The following VTCN1 variants were observed in gnomAD, a reference collection of about 807,000 sequenced individuals.
VTCN1 encodes the protein V-set domain-containing T-cell activation inhibitor 1.
VTCN1 carries 26 observed loss-of-function variants against 26.5 expected under a neutral mutation model. That is an observed-to-expected ratio of 0.98 (90% CI 0.72 to 1.36). The LOEUF is 1.36. Ranked by LOEUF, VTCN1 falls within the 40% of genes most tolerant of loss-of-function variation. The pLI, the probability that VTCN1 is intolerant of heterozygous loss-of-function variation, is 0.00. For missense variants in VTCN1, 298 were observed against 337.7 expected (o/e 0.88, Z 0.92); for synonymous variants, 116 against 130.7 (o/e 0.89, Z 0.77).
chr1:117,177,116 A>T (rs528116105), intron 1 of VTCN1, among the ~76,000 whole-genome samples: 1 of 152,188 alleles, frequency 6.6e-6, no homozygotes, highest in Admixed American at 6.5e-5. Context: ...CCAAAAAAAC[A>T]AAAAAGGAAA....
chr1:117,188,838 C>T (rs1000796750), intron 1 of VTCN1, among the ~76,000 whole-genome samples: 9 of 151,994 alleles, frequency 5.9e-5, no homozygotes, highest in South Asian at 2.1e-4. Flanking sequence ...AGGTTTTATG[C>T]GAATAATTTT....
At chr1:117,180,271 G>T (rs1288248246) in intron 1 of VTCN1, among the ~76,000 whole-genome samples, 3 of 152,092 alleles carry the variant, frequency 2.0e-5, no homozygotes, top group African/African-American at 7.2e-5. Context: ...TTATTCTTAA[G>T]CCTGTCCTAT....
intron 2 of VTCN1, among the ~76,000 whole-genome samples, chr1:117,162,937 C>T (rs896189964): frequency 6.6e-6 from 1 of 152,194 alleles, no homozygotes; most frequent in Non-Finnish European, 1.5e-5. Flanking sequence ...TGAAATGACT[C>T]AGAAAGACAG....
chr1:117,148,221 A>G (rs1392653820), intron 4 of VTCN1, among the ~76,000 whole-genome samples: 1 of 152,242 alleles, frequency 6.6e-6, no homozygotes, highest in Admixed American at 6.5e-5. Context: ...GTAGATGTAA[A>G]GAAATGAAAT....
chr1:117,162,776 G>A (rs1021739079), intron 2 of VTCN1, among the ~76,000 whole-genome samples: 3 of 152,228 alleles, frequency 2.0e-5, no homozygotes, highest in Non-Finnish European at 2.9e-5. Context: ...GGTTCACACA[G>A]TGGGAGTACT....
chr1:117,192,219 C>T (rs1054718512), intron 1 of VTCN1, among the ~76,000 whole-genome samples: 2 of 152,034 alleles, frequency 1.3e-5, no homozygotes, highest in South Asian at 4.1e-4. Context: ...AGAAGTCTTA[C>T]AGGCCAGGAA....
chr1:117,171,733 A>G (rs1652927257), intron 1 of VTCN1, among the ~76,000 whole-genome samples: 1 of 152,198 alleles, frequency 6.6e-6, no homozygotes, highest in Non-Finnish European at 1.5e-5. Flanking sequence ...TTAGGAGGAG[A>G]ACAAATTTTA....
At position 117,156,910 on chromosome 1, in the gene VTCN1, T is replaced by G. The variant is rs757543124; in HGVS notation, c.109A>C (p.Ile37Leu). ...GCTGAGGCGACAGTAGTGACTGTGATGGAGTGTCTCCCTGCAGTTCAGGAA... is the reference window on the plus strand; with the variant it reads ...GCTGAGGCGACAGTAGTGACTGTGAGGGAGTGTCTCCCTGCAGTTCAGGAA... Reference protein sequence around the residue: ...IGFGISGRHSITVTTVASAGN... With the variant: ...IGFGISGRHSLTVTTVASAGN... The change falls in exon 3 of 6, where the codon ATC becomes CTC. Residue 37 changes from isoleucine to leucine, a missense_variant. Physicochemically the swap from Ile to Leu is conservative, Grantham distance 5. Transcript: ENST00000369458. 6.2e-7 allele frequency: 1 copy of G among 1,614,076 alleles called. No homozygotes were observed. The highest frequency in any genetic ancestry group is 2.2e-5 in the East Asian group (1 of 44,882).
intron 1 of VTCN1, among the ~76,000 whole-genome samples, chr1:117,208,851 C>A (rs114405382): frequency 3.3e-5 from 5 of 152,172 alleles, no homozygotes; most frequent in Admixed American, 6.5e-5. Context: ...GAGAATAACT[C>A]ACTGGGTCTG....
intron 1 of VTCN1, among the ~76,000 whole-genome samples, chr1:117,186,209 C>T (rs1021552346): frequency 2.6e-5 from 4 of 152,166 alleles, no homozygotes; most frequent in Non-Finnish European, 5.9e-5. Flanking sequence ...AGTTTGGCTT[C>T]ATAGCTATTC....
chr1:117,154,870 A>G (rs991585146), intron 3 of VTCN1, among the ~76,000 whole-genome samples: 7 of 152,002 alleles, frequency 4.6e-5, no homozygotes, highest in Admixed American at 1.3e-4. Context: ...ACTAAATTCC[A>G]GATTTGATTT....
chr1:117,197,444 T>C (rs1220196492), intron 1 of VTCN1, among the ~76,000 whole-genome samples: 1 of 152,176 alleles, frequency 6.6e-6, no homozygotes, highest in Non-Finnish European at 1.5e-5. Flanking sequence ...TCATGCTGAC[T>C]TCCTAGAACT....
chr1:117,197,902 T>C (rs1648596689), intron 1 of VTCN1, among the ~76,000 whole-genome samples: 1 of 152,190 alleles, frequency 6.6e-6, no homozygotes, highest in Non-Finnish European at 1.5e-5. Context: ...AGTCAAGGGC[T>C]GTACTTCCAT....
intron 1 of VTCN1, among the ~76,000 whole-genome samples, chr1:117,181,532 G>C (rs1001590734): frequency 2.0e-5 from 3 of 152,178 alleles, no homozygotes; most frequent in Non-Finnish European, 4.4e-5. Flanking sequence ...CAGGTAATGA[G>C]AAGCAGGCCC....
At chr1:117,203,822 G>A (rs189522181) in intron 1 of VTCN1, 127 of 978,882 alleles carry the variant, frequency 1.3e-4, no homozygotes, top group African/African-American at 1.2e-3. Flanking sequence ...GTCTTGTTAC[G>A]CCACAGATTA....
In VTCN1 at chr1:117,147,701, C is replaced by A. The variant is rs756445973; in HGVS notation, c.806G>T (p.Ser269Ile). Residue 269 changes from serine (S) to isoleucine (I), a missense_variant, in exon 5 of 6, where the codon AGC (serine) becomes ATC (isoleucine). Ser to Ile is a moderately radical substitution (Grantham distance 142). Coordinates refer to ENST00000369458, the MANE Select transcript of VTCN1 (RefSeq NM_024626.4). This position sits in a 1 kb window ranked among gnomAD's most constrained non-coding sequence, Gnocchi z 4.6. ...SLCVSSFFAI[S>I]WALLPLSPYL... ...AGGGCTGAGAGGCAGAAGTGCCCAG[C>A]TGATGGCAAAGAAAGAAGAGACACA... The A allele has an allele frequency of 1.2e-6, 2 of 1,613,998 alleles. No individual in the cohort carries two copies. The highest frequency in any genetic ancestry group is 4.5e-5 in the East Asian group (2 of 44,882).
chr1:117,176,992 G>A (rs111238577), intron 1 of VTCN1, among the ~76,000 whole-genome samples: 9,587 of 152,164 alleles, frequency 0.063, 995 homozygotes, highest in African/African-American at 0.22. Flanking sequence ...CCAGCTACTC[G>A]GGAGGCTGAG....
chr1:117,147,681 T>C lies in VTCN1; in HGVS notation c.826A>G (p.Ser276Gly). ...FAISWALLPL[S>G]PYLMLK The stretch of plus-strand genomic sequence containing the variant: ...CATTATTTTAGCATCAGGTAAGGGC[T>C]GAGAGGCAGAAGTGCCCAGCTGATG... The change falls in exon 5 of 6, where the codon AGC becomes GGC. Residue 276 changes from serine (S) to glycine (G), a missense_variant. Ser to Gly is a moderately conservative substitution (Grantham distance 56). Transcript: ENST00000369458. The surrounding 1 kb of genome is among the most constrained non-coding windows in gnomAD (Gnocchi z 4.6). 1.2e-6 allele frequency: 2 copies of C among 1,613,994 alleles called. No individual in the cohort carries two copies. Among genetic ancestry groups the C allele is most frequent in the Non-Finnish European group, 8.5e-7 (1 of 1,179,930 alleles).
intron 1 of VTCN1, among the ~76,000 whole-genome samples, chr1:117,208,597 A>G (rs771532337): frequency 2.6e-5 from 4 of 152,206 alleles, no homozygotes; most frequent in Non-Finnish European, 5.9e-5. Flanking sequence ...TAACCCCCTC[A>G]GAGCAAGGGT....
Sources: allele counts gnomAD v4.1 joint callset (sites outside exome capture counted in the v4.1 genomes callset), GRCh38; gene constraint gnomAD v4.1.1; non-coding constraint Gnocchi (gnomAD v3.1); transcripts MANE v1.5; gene names NCBI Gene and HGNC (gene_info 2026-07-23, HGNC 2026-07-21).